SLF2: variants seen among roughly 807,000 people sequenced by gnomAD.
SLF2 encodes SMC5-SMC6 complex localization factor protein 2.
In SLF2, 68 loss-of-function variants were observed where a neutral mutation model predicts 124.3. The ratio of observed to expected loss-of-function variants is 0.55; its 90% CI spans 0.45 to 0.67. The LOEUF (loss-of-function observed/expected upper bound fraction) is 0.67, where lower values mean the gene tolerates loss of function less well. SLF2 is among the 30% of genes least tolerant of loss of function. SLF2 has a pLI of 0.00. For missense variants in SLF2, 1,246 were observed against 1,373.7 expected (o/e 0.91, Z 1.47); for synonymous variants, 480 against 478.8 (o/e 1.00, Z -0.03).
intron 1 of SLF2, among the ~76,000 whole-genome samples, chr10:100,914,381 C>T (rs1849377156): frequency 6.6e-6 from 1 of 152,000 alleles, no homozygotes; most frequent in Non-Finnish European, 1.5e-5. Context: ...GAGAACCTAC[C>T]TCTTGAAAGT....
intron 12 of SLF2, among the ~76,000 whole-genome samples, chr10:100,944,710 A>C (rs1327673987): frequency 6.6e-6 from 1 of 152,028 alleles, no homozygotes; most frequent in Admixed American, 6.6e-5. Flanking sequence ...AAAGACTTAC[A>C]ATACAACTTA....
intron 4 of SLF2, among the ~76,000 whole-genome samples, chr10:100,919,388 T>C (rs1375814738): frequency 1.3e-5 from 2 of 152,158 alleles, no homozygotes; most frequent in Non-Finnish European, 2.9e-5. Context: ...TTGTATAGGG[T>C]TGAGACTGTT....
intron 6 of SLF2, chr10:100,926,387 T>G (rs1849615229): frequency 9.3e-7 from 1 of 1,077,588 alleles, no homozygotes; most frequent in Admixed American, 3.3e-5. Flanking sequence ...GCAAATCTCT[T>G]GAGCCCAGGA....
At chr10:100,920,460 G>C (rs537252771) in intron 4 of SLF2, among the ~76,000 whole-genome samples, 2 of 152,218 alleles carry the variant, frequency 1.3e-5, no homozygotes, top group African/African-American at 2.4e-5. Flanking sequence ...TATGATGGTT[G>C]CCGTCACTTA....
intron 6 of SLF2, 197 bp downstream of exon 6, chr10:100,926,216 G>A (rs1170062337): frequency 2.6e-6 from 4 of 1,544,138 alleles, no homozygotes; most frequent in Non-Finnish European, 2.6e-6. Flanking sequence ...GGAGACCCAG[G>A]CAAGATTACT....
At chr10:100,932,712 T>TGG (rs1181664100) in intron 9 of SLF2, among the ~76,000 whole-genome samples, 1 of 129,098 alleles carries the variant, frequency 7.7e-6, no homozygotes, top group Non-Finnish European at 1.7e-5. Flanking sequence ...TGTGTGTGTG[T>TGG]GTGTGTGTGC....
At position 100,924,891 on chromosome 10, in the gene SLF2, G is replaced by A. The variant is rs1450265971; in HGVS notation, c.1890G>A (p.Leu630=). 3 of 1,614,042 alleles carry A rather than the reference G, an allele frequency of 1.9e-6. No individual in the cohort carries two copies. In the African/African-American group the frequency reaches 4.0e-5, roughly 22 times the overall value. ...AGTCACTGGAAGAAATAATGGCTTT[G>A]AACTTCAATCAGACTCCTGCAGCTA... ...TLKSLEEIMA[L]NFNQTPAATG... is the part of the protein sequence containing the mutation. Residue 630 remains leucine (L), a synonymous_variant, in exon 5 of 20, where the codon TTG becomes TTA. Transcript: ENST00000238961.
rs1020308404 is a variant in SLF2 at position 100,963,648 on chromosome 10, A to C, written c.*1736A>C. ...TTTGTGTGTAATTTTATACGTGTTC[A>C]TATTTTTCTCATTTTGCATTGTGTA... On this transcript the variant is annotated 3_prime_UTR_variant, in exon 20 of 20. Coordinates refer to ENST00000238961, the MANE Select transcript of SLF2 (RefSeq NM_018121.4). 2 of 152,646 alleles carry C rather than the reference A, an allele frequency of 1.3e-5. No individual in the cohort carries two copies. The highest frequency in any genetic ancestry group is 2.9e-5 in the Non-Finnish European group (2 of 68,040). 9.5% of individuals were successfully genotyped at this position (152,646 alleles called of 1,614,324 possible). A position where few individuals can be genotyped will look rare whatever the true frequency, so the allele number is the denominator to read the frequency against.
At chr10:100,947,011 A>G (rs1413095137) in intron 13 of SLF2, 28 bp from the exon 14 acceptor site, 1 of 1,573,204 alleles carries the variant, frequency 6.4e-7, no homozygotes, top group Non-Finnish European at 8.8e-7. Context: ...CTGTTTGAAA[A>G]GAAATCTTAC....
chr10:100,948,966 G>C (rs1047551270), intron 15 of SLF2, among the ~76,000 whole-genome samples: 3 of 152,208 alleles, frequency 2.0e-5, no homozygotes. Flanking sequence ...TATGCCACCA[G>C]ATCCTAGGAA....
At chr10:100,931,113 C>T in intron 9 of SLF2, 35 bp downstream of exon 9, 1 of 1,470,120 alleles carries the variant, frequency 6.8e-7, no homozygotes, top group Non-Finnish European at 9.3e-7. Flanking sequence ...TAGTTGCCTC[C>T]TACTATATTT....
At chr10:100,918,002 G>A (rs994129133) in intron 3 of SLF2, among the ~76,000 whole-genome samples, 3 of 152,174 alleles carry the variant, frequency 2.0e-5, no homozygotes, top group Admixed American at 1.3e-4. Flanking sequence ...TGGGAGGCTC[G>A]CTTGAGCCCA....
In SLF2 at chr10:100,929,826, TC is replaced by T; in HGVS notation, c.2166-3del. 6.4e-7 allele frequency: 1 copy of T among 1,571,338 alleles called. No individual in the cohort carries two copies. Among genetic ancestry groups the T allele is most frequent in the Non-Finnish European group, 8.6e-7 (1 of 1,162,334 alleles). On this transcript the variant is annotated splice_polypyrimidine_tract_variant and splice_region_variant and intron_variant, in intron 7 of 19. Coordinates refer to ENST00000238961, the MANE Select transcript of SLF2 (RefSeq NM_018121.4). Reference sequence around the variant, plus strand: ...GGTATTGATTGACTTTTTTTATGTTTCAGGGAATTTCTAAAGAAATTTTCAG... The same window carrying T: ...GGTATTGATTGACTTTTTTTATGTTTAGGGAATTTCTAAAGAAATTTTCAG...
At chr10:100,937,348 A>T in intron 9 of SLF2, 54 bp from the exon 10 acceptor site, 1 of 1,361,218 alleles carries the variant, frequency 7.3e-7, no homozygotes, top group Non-Finnish European at 1.1e-6. Context: ...GCAAATAATG[A>T]ATGTTTGTGT....
Position 100,938,751 on chromosome 10 carries a change from C to A in SLF2, c.2654+15C>A. Reference sequence around the variant, plus strand: ...GACTATCTAGTGTAAGTTTTCTCATCATAATTAACGCCAAAAATATCATTT... The same window carrying A: ...GACTATCTAGTGTAAGTTTTCTCATAATAATTAACGCCAAAAATATCATTT... On this transcript the variant is annotated intron_variant, in intron 11 of 19. Coordinates refer to ENST00000238961, the MANE Select transcript of SLF2 (RefSeq NM_018121.4). 1.9e-6 allele frequency: 3 copies of A among 1,580,884 alleles called. No individual in the cohort carries two copies. The highest frequency in any genetic ancestry group is 1.2e-5 in the South Asian group (1 of 84,820).
chr10:100,926,406 C>G, intron 6 of SLF2: 1 of 852,086 alleles, frequency 1.2e-6, no homozygotes. Flanking sequence ...GAGTTTGAGA[C>G]TAGCCTGGGC....
chr10:100,925,932 A>G lies in SLF2; in HGVS notation c.1972-17A>G, dbSNP rs1204960692. ...CTAAGACATGTGGTAAAGTATTTCTAAATGTTCTTGTTTTAGGGACATGTT... is the reference window on the plus strand; with the variant it reads ...CTAAGACATGTGGTAAAGTATTTCTGAATGTTCTTGTTTTAGGGACATGTT... On this transcript the variant is annotated splice_polypyrimidine_tract_variant and intron_variant, in intron 5 of 19. Transcript: ENST00000238961. 8 of 1,561,262 alleles carry G rather than the reference A, an allele frequency of 5.1e-6. No individual in the cohort carries two copies. The highest frequency in any genetic ancestry group is 6.9e-6 in the Non-Finnish European group (8 of 1,155,918).
chr10:100,956,356 A>AT, intron 17 of SLF2, 95 bp from the exon 18 acceptor site: 1 of 886,674 alleles, frequency 1.1e-6, no homozygotes, highest in Non-Finnish European at 1.8e-6. Flanking sequence ...GGAATAATAG[A>AT]TTTTTAAATG....
chr10:100,952,253 A>C (rs890791010), intron 17 of SLF2, among the ~76,000 whole-genome samples: 3 of 148,650 alleles, frequency 2.0e-5, no homozygotes, highest in East Asian at 2.0e-4. Context: ...CAAAAAAAAA[A>C]ACCTTAGGCT....
Sources: gnomAD v4.1 joint callset for allele counts (sites outside exome capture counted in the v4.1 genomes callset) on GRCh38, gnomAD v4.1.1 for gene constraint, MANE v1.5 for transcripts, NCBI Gene and HGNC (gene_info 2026-07-23, HGNC 2026-07-21) for gene names.